The following RNASEH2A variants were observed in gnomAD, a reference collection of about 807,000 sequenced individuals.
RNASEH2A encodes RNase H(35).
In RNASEH2A, 30 loss-of-function variants were observed where a neutral mutation model predicts 32.7. The observed-to-expected ratio is 0.92, with a 90% CI of 0.69 to 1.25. The LOEUF (loss-of-function observed/expected upper bound fraction) is 1.25, where lower values mean the gene tolerates loss of function less well. Ranked by LOEUF, RNASEH2A falls within the 50% of genes most tolerant of loss-of-function variation. The pLI is 0.00. For missense variants in RNASEH2A, 409 were observed against 398.1 expected (o/e 1.03, Z -0.23); for synonymous variants, 147 against 165.4 (o/e 0.89, Z 0.86).
At chr19:12,810,493 T>C (rs1969058265) in intron 6 of RNASEH2A, 89 bp downstream of exon 6, 2 of 1,139,950 alleles carry the variant, frequency 1.8e-6, no homozygotes, top group South Asian at 2.6e-5. Context: ...TTCTGTCATT[T>C]ATCATTTTAT....
intron 4 of RNASEH2A, among the ~76,000 whole-genome samples, chr19:12,808,625 G>A (rs921859562): frequency 1.3e-5 from 2 of 152,034 alleles, no homozygotes; most frequent in Non-Finnish European, 2.9e-5. Context: ...TGCACATCTC[G>A]ACATTTAGTT....
chr19:12,812,728 C>T (rs1317728296), intron 6 of RNASEH2A, among the ~76,000 whole-genome samples: 1 of 151,718 alleles, frequency 6.6e-6, no homozygotes, highest in Admixed American at 6.6e-5. Flanking sequence ...GCAAGGAGGC[C>T]GGGCGTGGTG....
At chr19:12,806,844 AT>A in intron 1 of RNASEH2A, 44 bp downstream of exon 1, 1 of 1,593,312 alleles carries the variant, frequency 6.3e-7, no homozygotes, top group Non-Finnish European at 8.5e-7. Context: ...GGTACGGAGG[AT>A]GCGGGAAACG....
intron 6 of RNASEH2A, among the ~76,000 whole-genome samples, chr19:12,812,213 A>G (rs1260787691): frequency 5.4e-5 from 8 of 148,598 alleles, no homozygotes; most frequent in Non-Finnish European, 1.2e-4. Flanking sequence ...CAGCCTGGGT[A>G]ATAGAGCGAG....
At position 12,810,326 on chromosome 19, in the gene RNASEH2A, G is replaced by A; in HGVS notation, c.559G>A (p.Asp187Asn). 6.2e-7 allele frequency: 1 copy of A among 1,614,176 alleles called. No homozygotes were observed. The highest frequency in any genetic ancestry group is 1.3e-5 in the African/African-American group (1 of 75,052). Residue 187 changes from aspartate (D) to asparagine (N), a missense_variant, in exon 6 of 8, where the codon GAC (aspartate) becomes AAC (asparagine). Coordinates refer to ENST00000221486, the MANE Select transcript of RNASEH2A (RefSeq NM_006397.3). ...AASICAKVARDQAVKKWQFVE... is the reference protein window; with the variant it reads ...AASICAKVARNQAVKKWQFVE... Reference sequence around the variant, plus strand: ...CCTGTTTTGCCCACAGGTGGCCCGGGACCAGGCCGTGAAGAAATGGCAGTT... The same window carrying A: ...CCTGTTTTGCCCACAGGTGGCCCGGAACCAGGCCGTGAAGAAATGGCAGTT...
At chr19:12,812,639 G>C (rs375268818) in intron 6 of RNASEH2A, among the ~76,000 whole-genome samples, 1 of 152,316 alleles carries the variant, frequency 6.6e-6, no homozygotes, top group African/African-American at 2.4e-5. Context: ...CTCTTGGCCA[G>C]GTAAAGGTCC....
Position 12,813,481 on chromosome 19 carries a change from C to A in RNASEH2A, c.*15C>A. 1.2e-6 allele frequency: 2 copies of A among 1,612,108 alleles called. No individual in the cohort carries two copies. Among genetic ancestry groups the A allele is most frequent in the Middle Eastern group, 3.3e-4 (2 of 6,062 alleles). ...CCAGCCTCTAGCAGCTGCCTCTACG[C>A]GCTCTACCTGCTTCCCCAACCCAGA... On this transcript the variant is annotated 3_prime_UTR_variant, in exon 8 of 8. Transcript: ENST00000221486.
intron 4 of RNASEH2A, 66 bp downstream of exon 4, chr19:12,807,572 C>G (rs546028738): frequency 1.5e-6 from 2 of 1,313,176 alleles, no homozygotes; most frequent in African/African-American, 2.9e-5. Context: ...AACAGGAGTT[C>G]GAGACTGCAG....
rs375035268 is a variant in RNASEH2A, at chr19:12,807,343, G to A, written c.323+14G>A. 11 of 1,614,066 alleles carry A rather than the reference G, an allele frequency of 6.8e-6. No individual in the cohort carries two copies. Among genetic ancestry groups the A allele is most frequent in the African/African-American group, 5.3e-5 (4 of 74,914 alleles). On this transcript the variant is annotated intron_variant, in intron 3 of 7. Transcript: ENST00000221486. ...CATGCTTGGGCGGTGAGGGGTCCCCGGGAGGGGCAGCCAGCATGGGCTGAC... is the reference window on the plus strand; with the variant it reads ...CATGCTTGGGCGGTGAGGGGTCCCCAGGAGGGGCAGCCAGCATGGGCTGAC...
At chr19:12,810,290 G>T in intron 5 of RNASEH2A, 27 bp from the exon 6 acceptor site, 1 of 1,614,136 alleles carries the variant, frequency 6.2e-7, no homozygotes, top group Non-Finnish European at 8.5e-7. Context: ...GAAGGAGGGA[G>T]ATTCCAGGTG....
rs749349965 is a variant in RNASEH2A at position 12,807,411 on chromosome 19, C to T, written c.324-8C>T. 1.2e-6 allele frequency: 2 copies of T among 1,614,138 alleles called. No homozygotes were observed. Among genetic ancestry groups the T allele is most frequent in the Non-Finnish European group, 1.7e-6 (2 of 1,180,004 alleles). On this transcript the variant is annotated splice_polypyrimidine_tract_variant and splice_region_variant and intron_variant, in intron 3 of 7. Coordinates refer to ENST00000221486, the MANE Select transcript of RNASEH2A (RefSeq NM_006397.3). The stretch of plus-strand genomic sequence containing the variant: ...ATGAGATTAACTGGGCTCTGTTCCC[C>T]ACCACAGGGTCAAATACAACCTGAA...
intron 6 of RNASEH2A, 43 bp from the exon 7 acceptor site, chr19:12,813,040 T>A (rs1303795150): frequency 1.2e-6 from 2 of 1,612,428 alleles, no homozygotes; most frequent in African/African-American, 1.3e-5. Context: ...GCTTGAATGT[T>A]ATGGTGCAAC....
chr19:12,808,823 C>G (rs1249579937), intron 4 of RNASEH2A, among the ~76,000 whole-genome samples: 1 of 152,186 alleles, frequency 6.6e-6, no homozygotes. Flanking sequence ...TATGGTGGCT[C>G]ACGCCTGTAA....
At position 12,807,280 on chromosome 19, in the gene RNASEH2A, G is replaced by A. The variant is rs1469814992; in HGVS notation, c.274G>A (p.Ala92Thr). 3.1e-6 allele frequency: 5 copies of A among 1,614,066 alleles called. No homozygotes were observed. Among genetic ancestry groups the A allele is most frequent in the Non-Finnish European group, 4.2e-6 (5 of 1,180,040 alleles). ...KMEDTDFVGWALDVLSPNLIS... is the reference protein window; with the variant it reads ...KMEDTDFVGWTLDVLSPNLIS... ...GGAGGACACGGACTTTGTCGGCTGGGCGCTGGATGTGCTGTCTCCAAACCT... is the reference window on the plus strand; with the variant it reads ...GGAGGACACGGACTTTGTCGGCTGGACGCTGGATGTGCTGTCTCCAAACCT... The change falls in exon 3 of 8, where the codon GCG becomes ACG. Residue 92 changes from alanine (A) to threonine (T), a missense_variant. By Grantham distance (58) the Ala-to-Thr change is moderately conservative (BLOSUM62 0). Transcript: ENST00000221486.
chr19:12,809,929 G>A (rs55790045), intron 4 of RNASEH2A, 142 bp from the exon 5 acceptor site: 59 of 1,095,102 alleles, frequency 5.4e-5, no homozygotes, highest in South Asian at 2.6e-4. Context: ...GGAGATGTTC[G>A]AGTTGAAATC....
At chr19:12,807,134 G>C in intron 2 of RNASEH2A, 55 bp downstream of exon 2, 1 of 1,614,164 alleles carries the variant, frequency 6.2e-7, no homozygotes, top group Non-Finnish European at 8.5e-7. Flanking sequence ...GCAGGGGCAG[G>C]TGAGAACTGA....
chr19:12,811,790 G>A (rs1233715655), intron 6 of RNASEH2A, among the ~76,000 whole-genome samples: 4 of 151,702 alleles, frequency 2.6e-5, no homozygotes, highest in East Asian at 1.9e-4. Flanking sequence ...GGTGGCACAC[G>A]CCCGTAATCC....
chr19:12,806,722 A>G lies in RNASEH2A; in HGVS notation c.49A>G (p.Ser17Gly). 6.4e-7 allele frequency: 1 copy of G among 1,569,264 alleles called. No homozygotes were observed. The highest frequency in any genetic ancestry group is 8.6e-7 in the Non-Finnish European group (1 of 1,157,000). The change falls in exon 1 of 8, where the codon AGT (serine) becomes GGT (glycine). Residue 17 changes from serine (S) to glycine (G), a missense_variant. Transcript: ENST00000221486. ...AGACAATACAGGCCGCTGTCGCCTGAGTTCGCCTGTGCCCGCGGTGTGCCG... is the reference window on the plus strand; with the variant it reads ...AGACAATACAGGCCGCTGTCGCCTGGGTTCGCCTGTGCCCGCGGTGTGCCG... ...ERDNTGRCRLSSPVPAVCRKE... is the reference protein window; with the variant it reads ...ERDNTGRCRLGSPVPAVCRKE...
In RNASEH2A at chr19:12,810,108, A is replaced by G. The variant is rs776172356; in HGVS notation, c.449A>G (p.Gln150Arg). 1.2e-6 allele frequency: 2 copies of G among 1,614,224 alleles called. No individual in the cohort carries two copies. The highest frequency in any genetic ancestry group is 1.7e-6 in the Non-Finnish European group (2 of 1,180,032). The part of the protein sequence containing the change: ...VDTVGMPETY[Q>R]ARLQQSFPGI... ...ACCGTAGGGATGCCAGAGACATACC[A>G]GGCGCGGCTGCAGCAAAGTTTTCCC... Residue 150 changes from glutamine to arginine, a missense_variant, in exon 5 of 8, where the codon CAG becomes CGG. Gln to Arg is a conservative substitution (Grantham distance 43, BLOSUM62 1). Transcript: ENST00000221486.
Sources: allele counts gnomAD v4.1 joint callset (sites outside exome capture counted in the v4.1 genomes callset), GRCh38; gene constraint gnomAD v4.1.1; transcripts MANE v1.5; gene names NCBI Gene and HGNC (gene_info 2026-07-23, HGNC 2026-07-21).